Variants in LRRC17 observed in about 807,000 individuals in gnomAD.
The protein encoded by LRRC17 is leucine rich repeat containing 17.
In LRRC17, 33 loss-of-function variants were observed where a neutral mutation model predicts 41.5. The ratio of observed to expected loss-of-function variants is 0.80; its 90% CI spans 0.60 to 1.06. The LOEUF (loss-of-function observed/expected upper bound fraction) is 1.06, where lower values mean the gene tolerates loss of function less well. LRRC17 is among the 50% of genes least tolerant of loss of function. LRRC17 has a pLI of 0.00. For synonymous variants in LRRC17, 192 were observed against 197.0 expected (o/e 0.97, Z 0.21); for missense variants, 491 against 519.3 (o/e 0.95, Z 0.53).
In LRRC17 at chr7:102,934,431, C is replaced by T. The variant is rs1462096736; in HGVS notation, c.518C>T (p.Thr173Met). The T allele has an allele frequency of 6.2e-6, 10 of 1,614,168 alleles. No homozygotes were observed. The highest frequency in any genetic ancestry group is 1.7e-5 in the Admixed American group (1 of 60,014). ...NPWHCTCEIE[T>M]LISMLQIPRN... ...TGGCACTGTACTTGTGAGATAGAAA[C>T]GCTTATTTCAATGTTGCAGATTCCC... Residue 173 changes from threonine to methionine, a missense_variant, in exon 2 of 4, where the codon ACG becomes ATG. By Grantham distance (81) the Thr-to-Met change is moderately conservative. Coordinates refer to ENST00000339431, the MANE Select transcript of LRRC17 (RefSeq NM_001031692.3).
intron 1 of LRRC17, 150 bp downstream of exon 1, chr7:102,913,295 A>G: frequency 6.4e-7 from 1 of 1,556,866 alleles, no homozygotes; most frequent in Non-Finnish European, 8.8e-7. Flanking sequence ...TATGACAAAG[A>G]AAACTGTAAA....
At chr7:102,944,120 C>A in intron 3 of LRRC17, 90 bp from the exon 4 acceptor site, 5 of 988,568 alleles carry the variant, frequency 5.1e-6, no homozygotes, top group South Asian at 2.3e-5. Context: ...AAAATTAAGC[C>A]TCTTTTTAAA....
intron 1 of LRRC17, among the ~76,000 whole-genome samples, chr7:102,923,837 T>A (rs1406349095): frequency 6.6e-6 from 1 of 151,642 alleles, no homozygotes; most frequent in African/African-American, 2.4e-5. Context: ...AATAAATAAA[T>A]AAATAAAAAG....
chr7:102,924,497 T>C (rs905259767), intron 1 of LRRC17, among the ~76,000 whole-genome samples: 3 of 152,144 alleles, frequency 2.0e-5, no homozygotes, highest in Admixed American at 6.5e-5. Context: ...GAAAGCTTTA[T>C]AGATTTGACT....
At chr7:102,914,855 T>A (rs1167584369) in intron 1 of LRRC17, among the ~76,000 whole-genome samples, 1 of 152,196 alleles carries the variant, frequency 6.6e-6, no homozygotes, top group African/African-American at 2.4e-5. Flanking sequence ...AAATGCGTTA[T>A]CTTCCTCTCC....
At position 102,919,029 on chromosome 7, in the gene LRRC17, C is replaced by G. The variant is rs75018922; in HGVS notation, c.-141+5884C>G. On this transcript the variant is annotated intron_variant, in intron 1 of 3. Coordinates refer to ENST00000339431, the MANE Select transcript of LRRC17 (RefSeq NM_001031692.3). ...AATTCCTGAAACAGTGTTAGAGAAA[C>G]CTCAGGGACCTCCCACAGTGGTCAC... 6.2e-3 allele frequency among the ~76,000 whole-genome samples: 937 copies of G among 152,212 alleles called. 27 individuals are homozygous for G. In the East Asian group the frequency reaches 0.069, roughly 11 times the overall value.
chr7:102,925,918 G>A (rs1319592235), intron 1 of LRRC17, among the ~76,000 whole-genome samples: 2 of 149,226 alleles, frequency 1.3e-5, no homozygotes, highest in East Asian at 2.0e-4. Flanking sequence ...TGCAGCCTGG[G>A]CGACAGAGCA....
chr7:102,913,127 A>T lies in LRRC17; in HGVS notation c.-159A>T, dbSNP rs751912354. 11 of 1,614,210 alleles carry T rather than the reference A, an allele frequency of 6.8e-6. No homozygotes were observed. The highest frequency in any genetic ancestry group is 8.5e-6 in the Non-Finnish European group (10 of 1,180,028). ...AGGTCCAGATAGATGAGCTTGTGGC[A>T]TCCATTCCCCAAGTTCAGGTACTGT... On this transcript the variant is annotated 5_prime_UTR_variant, in exon 1 of 4. Transcript: ENST00000339431.
At chr7:102,935,242 CTTTTTTTTTTTTTTTTTT>C (rs71106700) in intron 2 of LRRC17, among the ~76,000 whole-genome samples, 1 of 76,402 alleles carries the variant, frequency 1.3e-5, no homozygotes, top group African/African-American at 5.8e-5. Context: ...TTTTTTCTTT[CTTTTTTTTTTTTTTTTTT>C]TTTTTTTTTG....
At chr7:102,927,755 T>C (rs962072224) in intron 1 of LRRC17, among the ~76,000 whole-genome samples, 9 of 152,188 alleles carry the variant, frequency 5.9e-5, no homozygotes, top group African/African-American at 2.2e-4. Context: ...TTTTTCTAGA[T>C]GCCCCATCAC....
chr7:102,944,160 C>G (rs750744998), intron 3 of LRRC17, 50 bp from the exon 4 acceptor site: 1 of 1,452,164 alleles, frequency 6.9e-7, no homozygotes, highest in South Asian at 1.4e-5. Context: ...ATATGCCATA[C>G]ACTGTATTAA....
At chr7:102,931,992 T>G (rs868598130) in intron 1 of LRRC17, 2 of 1,520,848 alleles carry the variant, frequency 1.3e-6, no homozygotes, top group South Asian at 2.3e-5. Flanking sequence ...AAACAAAGTT[T>G]TTCTATCTTA....
chr7:102,928,249 C>T (rs979317907), intron 1 of LRRC17, among the ~76,000 whole-genome samples: 1 of 152,116 alleles, frequency 6.6e-6, no homozygotes, highest in Admixed American at 6.5e-5. Flanking sequence ...CAAATTTAGA[C>T]CACTCCCATT....
At chr7:102,931,694 ATACATC>A (rs1292479357) in intron 1 of LRRC17, among the ~76,000 whole-genome samples, 1 of 152,236 alleles carries the variant, frequency 6.6e-6, no homozygotes, top group African/African-American at 2.4e-5. Context: ...AACACTGAGC[ATACATC>A]TACATGATTA....
chr7:102,927,180 G>A (rs1312327393), intron 1 of LRRC17, among the ~76,000 whole-genome samples: 1 of 152,160 alleles, frequency 6.6e-6, no homozygotes. Flanking sequence ...TTTTTGTATA[G>A]GTAACACTAT....
At position 102,913,159 on chromosome 7, in the gene LRRC17, TTGTC is replaced by T; in HGVS notation, c.-141+18_-141+21del. On this transcript the variant is annotated intron_variant, in intron 1 of 3. Coordinates refer to ENST00000339431, the MANE Select transcript of LRRC17 (RefSeq NM_001031692.3). Reference sequence around the variant, plus strand: ...CCCCAAGTTCAGGTACTGTAAGCCTTTGTCTGTGAACCGTCTGCAATAAGCCAAA... The same window carrying T: ...CCCCAAGTTCAGGTACTGTAAGCCTTTGTGAACCGTCTGCAATAAGCCAAA... 9 of 1,614,120 alleles carry T rather than the reference TTGTC, an allele frequency of 5.6e-6. No homozygotes were observed. Among genetic ancestry groups the T allele is most frequent in the South Asian group, 1.1e-5 (1 of 91,072 alleles).
At chr7:102,942,976 T>TA (rs1239143848) in intron 3 of LRRC17, among the ~76,000 whole-genome samples, 2 of 149,700 alleles carry the variant, frequency 1.3e-5, no homozygotes. Context: ...TCTTTGCTCT[T>TA]AGAGGGTGAA....
At chr7:102,924,251 A>G (rs552792362) in intron 1 of LRRC17, among the ~76,000 whole-genome samples, 13 of 152,156 alleles carry the variant, frequency 8.5e-5, no homozygotes, top group Admixed American at 8.5e-4. Context: ...AAAAAAAAAA[A>G]AAAAAGTAAA....
chr7:102,917,621 G>T (rs1816163065), intron 1 of LRRC17, among the ~76,000 whole-genome samples: 1 of 152,202 alleles, frequency 6.6e-6, no homozygotes, highest in Non-Finnish European at 1.5e-5. Context: ...GGAGTTAAGG[G>T]CTTCTCTTGG....
Sources: gnomAD v4.1 joint callset for allele counts (sites outside exome capture counted in the v4.1 genomes callset) on GRCh38, gnomAD v4.1.1 for gene constraint, MANE v1.5 for transcripts, NCBI Gene and HGNC (gene_info 2026-07-23, HGNC 2026-07-21) for gene names.